The following SLC25A25 variants were observed in gnomAD, a reference collection of about 807,000 sequenced individuals.
SLC25A25 encodes solute carrier family 25 member 25.
Under a neutral mutation model 57.7 loss-of-function variants are expected in SLC25A25, and 32 were observed. The observed-to-expected ratio is 0.55, with a 90% CI of 0.42 to 0.74. The LOEUF is 0.74. Ranked by LOEUF, SLC25A25 falls within the 30% of genes least tolerant of loss-of-function variation. The pLI is 0.00. For missense variants in SLC25A25, 556 were observed against 701.3 expected, an observed-to-expected ratio of 0.79 and a Z score of 2.34; for synonymous variants, 306 against 291.2, an observed-to-expected ratio of 1.05 and a Z score of -0.52.
intron 1 of SLC25A25, among the ~76,000 whole-genome samples, chr9:128,094,851 G>A (rs1833513546): frequency 6.6e-6 from 1 of 152,176 alleles, no homozygotes; most frequent in African/African-American, 2.4e-5. Context: ...TAGATTAATT[G>A]CAATCTGATG....
intron 1 of SLC25A25, among the ~76,000 whole-genome samples, chr9:128,100,062 C>T (rs1000447532): frequency 6.6e-6 from 1 of 152,124 alleles, no homozygotes; most frequent in African/African-American, 2.4e-5. Flanking sequence ...GGGAGGACCA[C>T]GGCCCAACTT....
intron 1 of SLC25A25, chr9:128,094,271 T>G (rs753913620): frequency 2.0e-5 from 3 of 152,186 alleles, no homozygotes; most frequent in Non-Finnish European, 2.9e-5. Context: ...CCTGCAAGCT[T>G]TTATTCTAGG....
At chr9:128,088,458 G>T (rs1833326904) in intron 1 of SLC25A25, among the ~76,000 whole-genome samples, 1 of 152,202 alleles carries the variant, frequency 6.6e-6, no homozygotes, top group Non-Finnish European at 1.5e-5. Context: ...CACTCTAGCT[G>T]CCCTGGCCTG....
chr9:128,088,198 G>GC (rs1833319979), intron 1 of SLC25A25, among the ~76,000 whole-genome samples: 1 of 152,192 alleles, frequency 6.6e-6, no homozygotes, highest in African/African-American at 2.4e-5. Context: ...ACAGCATTTA[G>GC]CCTAGGGCTG....
chr9:128,099,270 C>T lies in SLC25A25; in HGVS notation c.262-1826C>T, dbSNP rs773300559. 7.8e-7 allele frequency: 1 copy of T among 1,289,072 alleles called. No homozygotes were observed. Among genetic ancestry groups the T allele is most frequent in the Non-Finnish European group, 1.0e-6 (1 of 988,506 alleles). 79.9% of individuals were successfully genotyped at this position (1,289,072 alleles called of 1,614,324 possible). On this transcript the variant is annotated intron_variant, in intron 1 of 10. Transcript: ENST00000373069. The surrounding 1 kb of genome is among the most constrained non-coding windows in gnomAD (Gnocchi z 6.8). ...TCGGTTAATCAGTTTCCCTGCTACC[C>T]CCAGTGCCCACTGTGCACCAAGGGG...
chr9:128,074,887 G>T (rs1418909465), intron 1 of SLC25A25, among the ~76,000 whole-genome samples: 1 of 151,972 alleles, frequency 6.6e-6, no homozygotes, highest in Non-Finnish European at 1.5e-5. Context: ...TGTAATCTCA[G>T]CACTTTGGGA....
intron 1 of SLC25A25, among the ~76,000 whole-genome samples, chr9:128,070,950 CAAAAAAAAAAAAAA>C (rs531221205): frequency 1.7e-5 from 1 of 57,458 alleles, no homozygotes; most frequent in African/African-American, 5.9e-5. Flanking sequence ...AACTCCATCT[CAAAAAAAAAAAAAA>C]AAAAAAAAAG....
chr9:128,108,090 G>C lies in SLC25A25; in HGVS notation c.*646G>C. The C allele has an allele frequency of 2.5e-6, 1 of 399,458 alleles. No individual in the cohort carries two copies. Among genetic ancestry groups the C allele is most frequent in the Non-Finnish European group, 4.4e-6 (1 of 226,568 alleles). The allele number at this position is 399,458 out of a possible 1,614,324, so 24.7% of individuals were successfully genotyped here. A position where few individuals can be genotyped will look rare whatever the true frequency, so the allele number is the denominator to read the frequency against. On this transcript the variant is annotated 3_prime_UTR_variant, in exon 11 of 11. Transcript: ENST00000373069. Reference sequence around the variant, plus strand: ...GGGGCTCTCGGGCATGCTTGGGAGTGCAGGGGGCTCGGGCTGCCTGGCCTG... The same window carrying C: ...GGGGCTCTCGGGCATGCTTGGGAGTCCAGGGGGCTCGGGCTGCCTGGCCTG...
At chr9:128,084,306 G>A (rs10760531) in intron 1 of SLC25A25, among the ~76,000 whole-genome samples, 111,879 of 150,030 alleles carry the variant, frequency 0.75, 43,444 homozygotes, top group Non-Finnish European at 0.85. Context: ...TGTTGCCCAG[G>A]CTGGAGTGCA....
chr9:128,092,017 C>T (rs377523275), intron 1 of SLC25A25: 92 of 1,613,930 alleles, frequency 5.7e-5, no homozygotes, highest in African/African-American at 3.5e-4. Context: ...GGAAACAGGA[C>T]GGAAGGGCTG....
intron 6 of SLC25A25, among the ~76,000 whole-genome samples, chr9:128,104,831 AATTATTATTATTATTATT>A (rs57220788): frequency 6.2e-5 from 9 of 144,570 alleles, no homozygotes; most frequent in East Asian, 2.0e-4. Context: ...GATTTTTAAA[AATTATTATTATTATTATT>A]ATTATTATTA....
chr9:128,086,134 T>C (rs1833267924), intron 1 of SLC25A25, among the ~76,000 whole-genome samples: 1 of 151,528 alleles, frequency 6.6e-6, no homozygotes, highest in Non-Finnish European at 1.5e-5. Context: ...ATTTTGTAAA[T>C]GTCAGTGTGG....
intron 1 of SLC25A25, among the ~76,000 whole-genome samples, chr9:128,090,084 C>G (rs1833364672): frequency 6.6e-6 from 1 of 152,158 alleles, no homozygotes; most frequent in Non-Finnish European, 1.5e-5. Flanking sequence ...CAAGTGTCCT[C>G]CCCGCCCCAC....
At chr9:128,086,172 GT>G (rs34490400) in intron 1 of SLC25A25, among the ~76,000 whole-genome samples, 3 of 149,746 alleles carry the variant, frequency 2.0e-5, no homozygotes, top group African/African-American at 7.4e-5. Flanking sequence ...TTTTGTTGTT[GT>G]TTTTTTTTAG....
At chr9:128,106,595 C>T (rs1834049951) in intron 9 of SLC25A25, 75 bp downstream of exon 9, 36 of 1,490,578 alleles carry the variant, frequency 2.4e-5, no homozygotes, top group Non-Finnish European at 3.1e-5. Flanking sequence ...CCTTGACGGA[C>T]GCGTGGTTAG....
At chr9:128,069,644 T>A (rs1395105836) in intron 1 of SLC25A25, among the ~76,000 whole-genome samples, 1 of 152,230 alleles carries the variant, frequency 6.6e-6, no homozygotes, top group Non-Finnish European at 1.5e-5. Flanking sequence ...GATTCTTGGA[T>A]CAACATCCAA....
chr9:128,105,726 C>T lies in SLC25A25; in HGVS notation c.784-3C>T. The T allele has an allele frequency of 1.2e-6, 2 of 1,612,688 alleles. No homozygotes were observed. Among genetic ancestry groups the T allele is most frequent in the South Asian group, 1.1e-5 (1 of 91,026 alleles). On this transcript the variant is annotated splice_polypyrimidine_tract_variant and splice_region_variant and intron_variant, in intron 6 of 10. Transcript: ENST00000373069. ...CGTCTGACTGTTCGGTCCTCCCTCCCAGGTCCATGCCTCCCGCAGCAACAA... is the reference window on the plus strand; with the variant it reads ...CGTCTGACTGTTCGGTCCTCCCTCCTAGGTCCATGCCTCCCGCAGCAACAA...
rs57220788 is a variant in SLC25A25, at chr9:128,104,831, A to AATTATTATT, written c.784-868_784-860dup. ...ATAATGAAAAACTTTGATTTTTAAA[A>AATTATTATT]ATTATTATTATTATTATTATTATTA... On this transcript the variant is annotated intron_variant, in intron 6 of 10. Coordinates refer to ENST00000373069, the MANE Select transcript of SLC25A25 (RefSeq NM_001330988.2). 5.7e-3 allele frequency among the ~76,000 whole-genome samples: 818 copies of AATTATTATT among 144,552 alleles called. 5 individuals are homozygous for AATTATTATT. Among genetic ancestry groups the AATTATTATT allele is most frequent in the African/African-American group, 0.02 (783 of 39,518 alleles). 94.8% of individuals were successfully genotyped at this position (144,552 alleles called of 152,430 possible).
chr9:128,083,227 C>CA (rs1190331501), intron 1 of SLC25A25, among the ~76,000 whole-genome samples: 1,622 of 62,872 alleles, frequency 0.026, 39 homozygotes, highest in African/African-American at 0.056. Context: ...GACTCCGTCT[C>CA]AAAAAAAAAA....
Sources: gnomAD v4.1 joint callset for allele counts (sites outside exome capture counted in the v4.1 genomes callset) on GRCh38, gnomAD v4.1.1 for gene constraint, Gnocchi (gnomAD v3.1) non-coding constraint, MANE v1.5 for transcripts, NCBI Gene and HGNC (gene_info 2026-07-23, HGNC 2026-07-21) for gene names.